Variants in IRGM observed in about 807,000 individuals in gnomAD.
IRGM encodes the protein immunity-related GTPase family M protein.
For synonymous variants in IRGM, 98 were observed against 80.6 expected (o/e 1.22, Z -1.16); for missense variants, 288 against 219.9 (o/e 1.31, Z -1.96).
intron 1 of IRGM, among the ~76,000 whole-genome samples, chr5:150,863,180 G>C (rs1754160586): frequency 6.6e-6 from 1 of 152,236 alleles, no homozygotes; most frequent in African/African-American, 2.4e-5. Context: ...TTTAGAAAGA[G>C]AGACATCTGT....
chr5:150,902,138 C>G (rs191424888), downstream of IRGM, among the ~76,000 whole-genome samples: 34 of 152,114 alleles, frequency 2.2e-4, no homozygotes, highest in African/African-American at 7.7e-4. Flanking sequence ...AAATTTTTAT[C>G]TTTTATATAA....
At chr5:150,889,933 G>C (rs962568215) in intron 3 of IRGM, among the ~76,000 whole-genome samples, 2 of 151,936 alleles carry the variant, frequency 1.3e-5, no homozygotes, top group Non-Finnish European at 2.9e-5. Context: ...TTATTGTTTA[G>C]ACTTTTGCAT....
At position 150,898,265 on chromosome 5, in the gene IRGM, T is replaced by C. The variant is rs1460084145; in HGVS notation, c.*141-2324T>C. On this transcript the variant is annotated intron_variant and NMD_transcript_variant, in intron 3 of 3. Transcript: ENST00000520549. Reference sequence around the variant, plus strand: ...AGGTGCAGTTTCAGATGGTCTACAATAAAGCTGTCCAGTTAGCCCTCAACA... The same window carrying C: ...AGGTGCAGTTTCAGATGGTCTACAACAAAGCTGTCCAGTTAGCCCTCAACA... The C allele has an allele frequency of 2.6e-5, 42 of 1,597,898 alleles. No individual in the cohort carries two copies. In the East Asian group the frequency reaches 7.6e-4, roughly 29 times the overall value.
At chr5:150,875,311 C>T (rs1464765639) in intron 1 of IRGM, among the ~76,000 whole-genome samples, 1 of 152,170 alleles carries the variant, frequency 6.6e-6, no homozygotes, top group African/African-American at 2.4e-5. Flanking sequence ...GAAAATCTTC[C>T]CAGTGGGCAG....
At chr5:150,866,499 G>A (rs1281365377) in intron 1 of IRGM, among the ~76,000 whole-genome samples, 1 of 152,198 alleles carries the variant, frequency 6.6e-6, no homozygotes. Flanking sequence ...GGACAGATGA[G>A]ATGATCTGAA....
At chr5:150,902,006 T>C (rs6888293), downstream of IRGM, among the ~76,000 whole-genome samples, 8,020 of 152,222 alleles carry the variant, frequency 0.053, 544 homozygotes, top group African/African-American at 0.16. Flanking sequence ...TACTTCTACA[T>C]ATAAACTGTT....
intron 1 of IRGM, among the ~76,000 whole-genome samples, chr5:150,877,455 T>C (rs1754381036): frequency 6.6e-6 from 1 of 152,170 alleles, no homozygotes; most frequent in Non-Finnish European, 1.5e-5. Context: ...TCTTCAGCTT[T>C]GGTATTCAGA....
chr5:150,898,259 C>A, intron 3 of IRGM: 1 of 1,599,842 alleles, frequency 6.3e-7, no homozygotes, highest in Non-Finnish European at 8.5e-7. Flanking sequence ...TTCAGATGGT[C>A]TACAATAAAG....
intron 3 of IRGM, among the ~76,000 whole-genome samples, chr5:150,893,582 A>T (rs1754654275): frequency 6.6e-6 from 1 of 152,214 alleles, no homozygotes; most frequent in African/African-American, 2.4e-5. Flanking sequence ...TAGGATGCAC[A>T]GATTAAAAAA....
intron 3 of IRGM, chr5:150,898,418 C>A: frequency 6.2e-7 from 1 of 1,613,376 alleles, no homozygotes; most frequent in African/African-American, 1.3e-5. Flanking sequence ...TTCAGGGAAG[C>A]CATCCTTACC....
chr5:150,884,166 T>C (rs1754483452), intron 3 of IRGM, among the ~76,000 whole-genome samples: 1 of 152,030 alleles, frequency 6.6e-6, no homozygotes. Flanking sequence ...ATCAATAGAT[T>C]CAGAAAAAGC....
chr5:150,874,776 G>A (rs11951694), intron 1 of IRGM, among the ~76,000 whole-genome samples: 30,942 of 152,124 alleles, frequency 0.2, 4,993 homozygotes, highest in East Asian at 0.43. Flanking sequence ...GCCCTCATAA[G>A]TGAATCACAA....
chr5:150,893,243 A>G (rs1007671910), intron 3 of IRGM, among the ~76,000 whole-genome samples: 1 of 152,134 alleles, frequency 6.6e-6, no homozygotes, highest in Non-Finnish European at 1.5e-5. Context: ...GTCATAATTC[A>G]AGTGTCTACA....
exon 2 of IRGM, chr5:150,878,041 A>T: frequency 2.2e-6 from 1 of 459,930 alleles, no homozygotes; most frequent in South Asian, 1.5e-5. Context: ...TGCTGAAAGG[A>T]TCCTGAGAGA....
At chr5:150,870,814 G>GT (rs1754272210) in intron 1 of IRGM, among the ~76,000 whole-genome samples, 1 of 151,850 alleles carries the variant, frequency 6.6e-6, no homozygotes, top group African/African-American at 2.4e-5. Flanking sequence ...GCGATCATTT[G>GT]TTTTGCTTAA....
downstream of IRGM, among the ~76,000 whole-genome samples, chr5:150,849,309 C>G (rs1753937776): frequency 6.6e-6 from 1 of 152,056 alleles, no homozygotes. Flanking sequence ...GTAAGTAATG[C>G]CTAATATCTT....
intron 1 of IRGM, among the ~76,000 whole-genome samples, chr5:150,860,093 C>G (rs935090313): frequency 6.6e-6 from 1 of 152,128 alleles, no homozygotes; most frequent in Non-Finnish European, 1.5e-5. Context: ...GCATGACTAC[C>G]AAATATTTTG....
At chr5:150,882,210 C>T (rs1754455548) in intron 3 of IRGM, among the ~76,000 whole-genome samples, 1 of 146,002 alleles carries the variant, frequency 6.8e-6, no homozygotes, top group South Asian at 2.2e-4. Context: ...CAGAATGAGG[C>T]CCTGTCTCAA....
In IRGM at chr5:150,864,939, A is replaced by T. The variant is rs74413937; in HGVS notation, c.159-13041A>T. On this transcript the variant is annotated intron_variant and NMD_transcript_variant, in intron 1 of 3. Coordinates refer to the IRGM transcript ENST00000520549. ...GGGCGTGTCCTGATGCTTCATGAAA[A>T]CCCCAGGACCAGAGTTATAAGGAGA... Among the ~76,000 whole-genome samples, 387 of 151,918 alleles carry T rather than the reference A, an allele frequency of 2.5e-3. 3 individuals carry two copies. Among genetic ancestry groups the T allele is most frequent in the Middle Eastern group, 6.8e-3 (2 of 294 alleles).
Sources: allele counts gnomAD v4.1 joint callset (sites outside exome capture counted in the v4.1 genomes callset), GRCh38; gene constraint gnomAD v4.1.1; transcripts MANE v1.5; gene names NCBI Gene and HGNC (gene_info 2026-07-23, HGNC 2026-07-21).